The following PRKD3 variants were observed in gnomAD, a reference collection of about 807,000 sequenced individuals.
The protein encoded by PRKD3 is serine/threonine-protein kinase D3.
Under a neutral mutation model 99.2 loss-of-function variants are expected in PRKD3, and 47 were observed. The ratio of observed to expected loss-of-function variants is 0.47; its 90% confidence interval spans 0.38 to 0.60. The LOEUF is 0.60. Among genes scored for constraint, PRKD3 ranks in the 20% least tolerant of loss-of-function variants. The pLI, the probability that PRKD3 is intolerant of heterozygous loss-of-function variation, is 0.00. For synonymous variants in PRKD3, 392 were observed against 355.4 expected (o/e 1.10, Z -1.16); for missense variants, 1,019 against 1,088.4 (o/e 0.94, Z 0.90).
intron 3 of PRKD3, among the ~76,000 whole-genome samples, chr2:37,291,320 A>G (rs753184221): frequency 6.6e-6 from 1 of 152,238 alleles, no homozygotes; most frequent in Non-Finnish European, 1.5e-5. Flanking sequence ...ACACAGTGGG[A>G]AATAGAACAC....
At chr2:37,256,627 AAT>A (rs1558522120) in intron 17 of PRKD3, 33 bp downstream of exon 17, 63 of 1,247,232 alleles carry the variant, frequency 5.1e-5, no homozygotes, top group Middle Eastern at 2.7e-4. Context: ...ACATAGCCAA[AAT>A]TTTTTTTTTT....
At chr2:37,276,795 C>CATATAT (rs1402028087) in intron 9 of PRKD3, among the ~76,000 whole-genome samples, 1 of 149,642 alleles carries the variant, frequency 6.7e-6, no homozygotes, top group East Asian at 1.9e-4. Context: ...TGTATATATA[C>CATATAT]ACACACACAC....
At chr2:37,293,311 T>G in intron 2 of PRKD3, 40 bp from the exon 3 acceptor site, 6 of 1,476,124 alleles carry the variant, frequency 4.1e-6, no homozygotes, top group Non-Finnish European at 5.5e-6. Flanking sequence ...ACCACAGTTT[T>G]CTATTTTTAT....
At chr2:37,294,250 C>G (rs1670575684) in intron 2 of PRKD3, among the ~76,000 whole-genome samples, 1 of 150,082 alleles carries the variant, frequency 6.7e-6, no homozygotes, top group Non-Finnish European at 1.5e-5. Context: ...TGCATGTCAC[C>G]ACTCCCAGCT....
At chr2:37,271,906 A>G (rs775298797) in intron 12 of PRKD3, among the ~76,000 whole-genome samples, 1 of 152,176 alleles carries the variant, frequency 6.6e-6, no homozygotes, top group Non-Finnish European at 1.5e-5. Context: ...ATACCTACAT[A>G]CACCAGCCAA....
chr2:37,311,294 T>A (rs780162678), intron 2 of PRKD3, among the ~76,000 whole-genome samples: 4 of 152,134 alleles, frequency 2.6e-5, no homozygotes, highest in Admixed American at 6.5e-5. Context: ...CCTTCCTGAG[T>A]CATTTTATCA....
intron 5 of PRKD3, among the ~76,000 whole-genome samples, chr2:37,286,688 GA>G (rs2124821631): frequency 6.6e-6 from 1 of 152,218 alleles, no homozygotes; most frequent in East Asian, 1.9e-4. Context: ...AATAAATGAA[GA>G]AAGTATTATT....
chr2:37,275,657 A>G, intron 10 of PRKD3, 110 bp downstream of exon 10: 1 of 1,189,650 alleles, frequency 8.4e-7, no homozygotes, highest in Non-Finnish European at 1.1e-6. Context: ...ACTTCTATAA[A>G]CCATACTAGC....
At chr2:37,309,260 C>T (rs1671309429) in intron 2 of PRKD3, among the ~76,000 whole-genome samples, 1 of 152,108 alleles carries the variant, frequency 6.6e-6, no homozygotes, top group Admixed American at 6.5e-5. Flanking sequence ...GATATTTATG[C>T]ACTCTTGGTT....
rs375439218 is a variant in PRKD3 at position 37,282,593 on chromosome 2, A to G, written c.937T>C (p.Cys313Arg). Residue 313 changes from cysteine to arginine, a missense_variant, in exon 7 of 19, where the codon TGT (cysteine) becomes CGT (arginine). By Grantham distance (180) the Cys-to-Arg change is radical. Around this residue, in one of 3 missense-constraint regions of PRKD3, gnomAD observed 710 missense variants for 692.7 expected, o/e 1.02. Coordinates refer to ENST00000234179, the MANE Select transcript of PRKD3 (RefSeq NM_005813.6). ...CAGTCTCTTGGTACTTTTGATGCAC[A>G]GCGTTTATGGCAGTTGAATTTGCAA... is the stretch of plus-strand genomic sequence containing the variant. The part of the protein sequence containing the change: ...KDCKFNCHKR[C>R]ASKVPRDCLG... 6.2e-7 allele frequency: 1 copy of G among 1,603,002 alleles called. No individual in the cohort carries two copies.
intron 6 of PRKD3, among the ~76,000 whole-genome samples, chr2:37,283,025 C>T (rs970858746): frequency 1.3e-5 from 2 of 152,274 alleles, no homozygotes; most frequent in East Asian, 3.9e-4. Context: ...TATGAGGAAC[C>T]TAATAAGGGC....
At chr2:37,262,760 C>CT (rs1668563394) in intron 14 of PRKD3, among the ~76,000 whole-genome samples, 1 of 152,138 alleles carries the variant, frequency 6.6e-6, no homozygotes, top group South Asian at 2.1e-4. Context: ...CCCTTAACAA[C>CT]TTCCTCTATT....
At chr2:37,287,258 A>G (rs74177069) in intron 5 of PRKD3, among the ~76,000 whole-genome samples, 6 of 131,066 alleles carry the variant, frequency 4.6e-5, no homozygotes, top group South Asian at 2.4e-4. Context: ...AAAAAAAAAA[A>G]AAAAAAAAAG....
intron 2 of PRKD3, among the ~76,000 whole-genome samples, chr2:37,308,836 GA>G (rs1356143525): frequency 2.7e-5 from 4 of 145,700 alleles, no homozygotes; most frequent in African/African-American, 1.0e-4. Flanking sequence ...TTTTTTTTTT[GA>G]AAAATGATTC....
chr2:37,309,196 C>A (rs770666327), intron 2 of PRKD3, among the ~76,000 whole-genome samples: 1 of 151,972 alleles, frequency 6.6e-6, no homozygotes, highest in African/African-American at 2.4e-5. Flanking sequence ...TTTGGACTTA[C>A]CCGTTTCTTA....
chr2:37,251,900 A>G lies in PRKD3; in HGVS notation c.*1277T>C, dbSNP rs533376839. 2.0e-5 allele frequency: 3 copies of G among 152,322 alleles called. No individual in the cohort carries two copies. The highest frequency in any genetic ancestry group is 3.4e-3 in the Middle Eastern group (1 of 294). The allele number at this position is 152,322 out of a possible 1,614,324, so 9.4% of individuals were successfully genotyped here. A position where few individuals can be genotyped will look rare whatever the true frequency, so the allele number is the denominator to read the frequency against. ...GAGAAGAAAAAAAAAAAGGTTTACA[A>G]TGATTACTGAGAAATGAAGAAATAA... On this transcript the variant is annotated 3_prime_UTR_variant, in exon 19 of 19. Coordinates refer to ENST00000234179, the MANE Select transcript of PRKD3 (RefSeq NM_005813.6).
Position 37,293,223 on chromosome 2 carries a change from G to T in PRKD3, c.337C>A (p.Arg113Ser). ...ATGTTTTCTGAGTTCATGTCATGGC[G>T]AAAGAGAAGAATTTTGTCATACATG... ...FGMYDKILLF[R>S]HDMNSENILQ... The change falls in exon 3 of 19, where the codon CGC (arginine) becomes AGC (serine). Residue 113 changes from arginine to serine, a missense_variant. Around this residue, in one of 3 missense-constraint regions of PRKD3, gnomAD observed 710 missense variants for 692.7 expected, o/e 1.02. Transcript: ENST00000234179. 1 of 1,602,968 alleles carries T rather than the reference G, an allele frequency of 6.2e-7. No homozygotes were observed. The highest frequency in any genetic ancestry group is 8.5e-7 in the Non-Finnish European group (1 of 1,171,606).
intron 1 of PRKD3, chr2:37,324,200 C>G: frequency 3.0e-6 from 3 of 985,452 alleles, no homozygotes; most frequent in Non-Finnish European, 3.6e-6. Flanking sequence ...TTACTCACCC[C>G]TTTGAGACGA....
At chr2:37,314,621 T>G (rs1392415364) in intron 2 of PRKD3, among the ~76,000 whole-genome samples, 1 of 152,126 alleles carries the variant, frequency 6.6e-6, no homozygotes, top group African/African-American at 2.4e-5. Context: ...CAATTTTTTC[T>G]CAATTAAAAA....
Sources: gnomAD v4.1 joint callset for allele counts (sites outside exome capture counted in the v4.1 genomes callset) on GRCh38, gnomAD v4.1.1 for gene constraint, gnomAD v4.1.1 regional missense constraint, MANE v1.5 for transcripts, NCBI Gene and HGNC (gene_info 2026-07-23, HGNC 2026-07-21) for gene names.